Variants in FOXN3 observed in about 807,000 individuals in gnomAD.
FOXN3 encodes forkhead box protein N3.
FOXN3 carries 7 observed loss-of-function variants against 38.4 expected under a neutral mutation model. The ratio of observed to expected loss-of-function variants is 0.18; its 90% confidence interval spans 0.10 to 0.34. FOXN3 has a LOEUF of 0.34. Ranked by LOEUF, FOXN3 falls within the 10% of genes least tolerant of loss-of-function variation. The probability of loss-of-function intolerance (pLI) is 1.00; values close to 1 mark genes in which losing one functional copy is unlikely to be tolerated. For missense variants in FOXN3, 456 were observed against 613.4 expected (o/e 0.74, Z 2.71); for synonymous variants, 230 against 242.2 (o/e 0.95, Z 0.47).
chr14:89,507,308 T>C (rs997111042), intron 1 of FOXN3, among the ~76,000 whole-genome samples: 8 of 152,260 alleles, frequency 5.3e-5, no homozygotes, highest in African/African-American at 1.9e-4. Flanking sequence ...TAAGGTAAGA[T>C]GCAGGCAATC....
chr14:89,551,008 C>T (rs1014171176), intron 1 of FOXN3, among the ~76,000 whole-genome samples: 1 of 152,158 alleles, frequency 6.6e-6, no homozygotes. Flanking sequence ...TTCTGGCTCG[C>T]CTTAAAAGAA....
chr14:89,479,601 T>G (rs1035545640), intron 1 of FOXN3, among the ~76,000 whole-genome samples: 6 of 152,298 alleles, frequency 3.9e-5, no homozygotes, highest in Middle Eastern at 6.8e-3. Context: ...AGTTTCTCTG[T>G]ATTTAGAATA....
At chr14:89,512,021 G>A (rs1894104174) in intron 1 of FOXN3, among the ~76,000 whole-genome samples, 9 of 152,166 alleles carry the variant, frequency 5.9e-5, no homozygotes, top group Admixed American at 4.6e-4. Context: ...AATTCAAGAT[G>A]AGATTTGGGT....
Position 89,292,543 on chromosome 14 carries a change from G to A in FOXN3, c.681-11529C>T, listed in dbSNP as rs1886908842. ...TAGGCCAGGAGGGCTCCTTCCTCAT[G>A]AACGGGATTAGATGACCATATAAAG... On this transcript the variant is annotated intron_variant, in intron 3 of 5. Coordinates refer to ENST00000557258, the MANE Select transcript of FOXN3 (RefSeq NM_005197.4). 2.0e-5 allele frequency among the ~76,000 whole-genome samples: 3 copies of A among 152,196 alleles called. No homozygotes were observed. The South Asian group carries it at 6.2e-4, about 32-fold the overall frequency.
At chr14:89,359,420 TTG>T (rs1470513936) in intron 2 of FOXN3, among the ~76,000 whole-genome samples, 2 of 152,230 alleles carry the variant, frequency 1.3e-5, no homozygotes, top group Non-Finnish European at 2.9e-5. Flanking sequence ...GAATAGGTAC[TTG>T]TCAAATTGTG....
At chr14:89,302,715 A>G (rs1253441202) in intron 3 of FOXN3, among the ~76,000 whole-genome samples, 1 of 152,178 alleles carries the variant, frequency 6.6e-6, no homozygotes, top group East Asian at 1.9e-4. Flanking sequence ...CTTATCCTCC[A>G]AAGCCACTTG....
intron 4 of FOXN3, among the ~76,000 whole-genome samples, chr14:89,253,311 T>C (rs1322571905): frequency 2.0e-5 from 3 of 152,140 alleles, no homozygotes; most frequent in African/African-American, 4.8e-5. Context: ...ATGAAGCTTC[T>C]GGAAGAGTGA....
chr14:89,376,282 G>T (rs1890474716), intron 2 of FOXN3, among the ~76,000 whole-genome samples: 1 of 152,106 alleles, frequency 6.6e-6, no homozygotes, highest in South Asian at 2.1e-4. Context: ...GCCAAATTTA[G>T]GATAATTTGA....
At chr14:89,368,099 C>T (rs569327865) in intron 2 of FOXN3, among the ~76,000 whole-genome samples, 27 of 147,814 alleles carry the variant, frequency 1.8e-4, no homozygotes, top group East Asian at 4.1e-4. Flanking sequence ...GAGGCCGAGG[C>T]GGGTGAATCA....
In FOXN3 at chr14:89,363,855, G is replaced by A. The variant is rs1043213783; in HGVS notation, c.544-13047C>T. On this transcript the variant is annotated intron_variant, in intron 2 of 5. Coordinates refer to ENST00000557258, the MANE Select transcript of FOXN3 (RefSeq NM_005197.4). ...GACTTTTGGGAGGCTGAGATGGGAGGACTGCTTGAGCCTAGGAGGTCAAGG... is the reference window on the plus strand; with the variant it reads ...GACTTTTGGGAGGCTGAGATGGGAGAACTGCTTGAGCCTAGGAGGTCAAGG... Among the ~76,000 whole-genome samples the A allele has an allele frequency of 2.0e-5, 3 of 150,928 alleles. 1 individual carries two copies. The highest frequency in any genetic ancestry group is 4.4e-5 in the Non-Finnish European group (3 of 67,876).
intron 4 of FOXN3, among the ~76,000 whole-genome samples, chr14:89,212,117 T>C (rs1201691871): frequency 5.3e-5 from 8 of 152,240 alleles, no homozygotes; most frequent in African/African-American, 1.7e-4. Context: ...CTGCTGGACC[T>C]TGATCCTGGA....
chr14:89,452,632 G>T (rs1892635600), intron 1 of FOXN3, among the ~76,000 whole-genome samples: 1 of 152,146 alleles, frequency 6.6e-6, no homozygotes, highest in South Asian at 2.1e-4. Flanking sequence ...TAGTAAGATG[G>T]GCCTTGGGAG....
At chr14:89,420,810 G>A (rs1237840076), upstream of FOXN3, among the ~76,000 whole-genome samples, 1 of 151,436 alleles carries the variant, frequency 6.6e-6, no homozygotes, top group Non-Finnish European at 1.5e-5. Context: ...CAATTTATAT[G>A]TGTTAAGGTC....
chr14:89,428,767 AC>A (rs1892097350), intron 1 of FOXN3, among the ~76,000 whole-genome samples: 1 of 152,214 alleles, frequency 6.6e-6, no homozygotes, highest in Admixed American at 6.5e-5. Flanking sequence ...GGGTCCAAGC[AC>A]CTGGCCAAGG....
intron 1 of FOXN3, among the ~76,000 whole-genome samples, chr14:89,524,404 G>GAAAAAAAAAAAAA (rs1894391517): frequency 7.8e-5 from 2 of 25,600 alleles, no homozygotes; most frequent in African/African-American, 1.8e-4. Flanking sequence ...AAAAAAAAAA[G>GAAAAAAAAAAAAA]AAAGAAAGAA....
intron 1 of FOXN3, among the ~76,000 whole-genome samples, chr14:89,542,553 A>C (rs428839): frequency 0.78 from 119,245 of 152,144 alleles, 46,989 homozygotes; most frequent in Middle Eastern, 0.84. Context: ...TTGCTTTTGT[A>C]GAACAGCTCG....
At chr14:89,562,149 T>A (rs1486601178) in intron 1 of FOXN3, among the ~76,000 whole-genome samples, 1 of 152,202 alleles carries the variant, frequency 6.6e-6, no homozygotes, top group Non-Finnish European at 1.5e-5. Flanking sequence ...CAAATTTGGG[T>A]ACGTGTGTAC....
intron 4 of FOXN3, among the ~76,000 whole-genome samples, chr14:89,220,069 A>G (rs540841037): frequency 6.6e-6 from 1 of 152,120 alleles, no homozygotes; most frequent in Non-Finnish European, 1.5e-5. Flanking sequence ...CCATTTTGCT[A>G]TGCTTTTTGC....
rs1339364257 is a variant in FOXN3 at position 89,164,564 on chromosome 14, G to T, written c.852-1595C>A. On this transcript the variant is annotated intron_variant, in intron 5 of 5. Transcript: ENST00000557258. The surrounding 1 kb of genome is among the most constrained non-coding windows in gnomAD (Gnocchi z 4.3). ...TAGAGAGCTAGCTCCATGAGACAGG[G>T]TGTGGTTACTGCTAGGCCCCCAGTG... Among the ~76,000 whole-genome samples the T allele has an allele frequency of 6.6e-6, 1 of 152,212 alleles. No individual in the cohort carries two copies. The highest frequency in any genetic ancestry group is 1.5e-5 in the Non-Finnish European group (1 of 68,040).
Sources: allele counts gnomAD v4.1 joint callset (sites outside exome capture counted in the v4.1 genomes callset), GRCh38; gene constraint gnomAD v4.1.1; non-coding constraint Gnocchi (gnomAD v3.1); transcripts MANE v1.5; gene names NCBI Gene and HGNC (gene_info 2026-07-23, HGNC 2026-07-21).